Variants in SPG11 observed in about 807,000 individuals in gnomAD.
The protein encoded by SPG11 is spatacsin.
In SPG11, 222 loss-of-function variants were observed where a neutral mutation model predicts 274.0. That is an observed-to-expected ratio of 0.81 (90% CI 0.73 to 0.91). The LOEUF is 0.91. Among genes scored for constraint, SPG11 ranks in the 40% least tolerant of loss-of-function variants. SPG11 has a pLI of 0.00. For missense variants in SPG11, 3,114 were observed against 2,872.7 expected (o/e 1.08, Z -1.92); for synonymous variants, 1,144 against 1,039.7 (o/e 1.10, Z -1.93).
At chr15:44,617,997 A>G (rs1218376199) in intron 15 of SPG11, among the ~76,000 whole-genome samples, 1 of 152,008 alleles carries the variant, frequency 6.6e-6, no homozygotes, top group Non-Finnish European at 1.5e-5. Context: ...TTCTATATAA[A>G]TATTTATGAT....
At chr15:44,576,141 T>TAAAAAA (rs2082533409) in intron 30 of SPG11, among the ~76,000 whole-genome samples, 1 of 10,382 alleles carries the variant, frequency 9.6e-5, no homozygotes, top group African/African-American at 4.8e-4. Flanking sequence ...AAACTCCATC[T>TAAAAAA]CAAAAAAAAA....
chr15:44,582,142 G>C (rs1182628752), intron 30 of SPG11, among the ~76,000 whole-genome samples: 3 of 151,762 alleles, frequency 2.0e-5, no homozygotes, highest in Non-Finnish European at 4.4e-5. Context: ...ATTCTACTAA[G>C]CATTTAAGGA....
In SPG11 at chr15:44,567,546, C is replaced by A. The variant is rs144165094; in HGVS notation, c.6632G>T (p.Arg2211Leu). Reference sequence around the variant, plus strand: ...ATTGTGCTTTTCACTGTCTCCAGGACGGCAGCGTTTGATGTAGTCCAGCAG... The same window carrying A: ...ATTGTGCTTTTCACTGTCTCCAGGAAGGCAGCGTTTGATGTAGTCCAGCAG... Reference protein sequence around the residue: ...TALLDYIKRCRPGDSEKHNMI... With the variant: ...TALLDYIKRCLPGDSEKHNMI... Residue 2211 changes from arginine (R) to leucine (L), a missense_variant, in exon 36 of 40, where the codon CGT becomes CTT. Arg to Leu is a moderately radical substitution (Grantham distance 102, BLOSUM62 -2). Coordinates refer to ENST00000261866, the MANE Select transcript of SPG11 (RefSeq NM_025137.4). The A allele has an allele frequency of 6.2e-7, 1 of 1,613,804 alleles. No homozygotes were observed. The highest frequency in any genetic ancestry group is 1.3e-5 in the African/African-American group (1 of 74,822).
intron 13 of SPG11, 81 bp from the exon 14 acceptor site, chr15:44,622,015 C>T: frequency 1.6e-6 from 2 of 1,247,870 alleles, no homozygotes; most frequent in South Asian, 1.4e-5. Flanking sequence ...CAAGAACATC[C>T]ACTCTTTTGG....
chr15:44,631,288 CTA>C (rs2084053128), intron 8 of SPG11, among the ~76,000 whole-genome samples: 1 of 152,064 alleles, frequency 6.6e-6, no homozygotes, highest in African/African-American at 2.4e-5. Flanking sequence ...CAATGAAATT[CTA>C]TGTCATCATA....
chr15:44,571,839 T>G (rs951918949), intron 33 of SPG11, among the ~76,000 whole-genome samples: 4 of 152,174 alleles, frequency 2.6e-5, no homozygotes, highest in African/African-American at 9.7e-5. Context: ...TTGCCCAGAC[T>G]AGAGTTCAGT....
chr15:44,633,805 G>A (rs913963071), intron 7 of SPG11, among the ~76,000 whole-genome samples, 168 bp from the exon 8 acceptor site: 11 of 151,898 alleles, frequency 7.2e-5, no homozygotes, highest in Non-Finnish European at 1.5e-5. Flanking sequence ...GACTGATTAT[G>A]CAATCTGGGG....
At chr15:44,567,382 C>T in intron 36 of SPG11, 42 bp downstream of exon 36, 4 of 1,566,262 alleles carry the variant, frequency 2.6e-6, no homozygotes, top group Non-Finnish European at 3.5e-6. Context: ...TTTTACCTAG[C>T]TAGCAGCACT....
At chr15:44,575,917 C>T (rs536668862) in intron 30 of SPG11, among the ~76,000 whole-genome samples, 21 of 151,782 alleles carry the variant, frequency 1.4e-4, no homozygotes, top group African/African-American at 3.6e-4. Context: ...CTGAGGCGGG[C>T]GGATCACTTG....
In SPG11 at chr15:44,662,897, G is replaced by A. The variant is rs1042691956; in HGVS notation, c.257+494C>T. The stretch of plus-strand genomic sequence containing the variant: ...CACAATATTTGCTGAATAAATGAAG[G>A]GACAAACTGGACTCTGTCCTTGAAG... On this transcript the variant is annotated intron_variant, in intron 1 of 39. Transcript: ENST00000261866. 3.9e-5 allele frequency among the ~76,000 whole-genome samples: 6 copies of A among 152,096 alleles called. No homozygotes were observed. The South Asian group carries it at 1.0e-3, about 26-fold the overall frequency.
rs145315482 is a variant in SPG11 at position 44,583,682 on chromosome 15, C to T, written c.5866+132G>A. 5.3e-4 allele frequency: 590 copies of T among 1,118,596 alleles called. 3 individuals carry two copies. The African/African-American group carries it at 8.1e-3, about 15-fold the overall frequency. The allele number at this position is 1,118,596 out of a possible 1,614,324, so 69.3% of individuals were successfully genotyped here. On this transcript the variant is annotated intron_variant, in intron 30 of 39. Transcript: ENST00000261866. ...ATTGCCTAGTTAATTGGCTAGTCTA[C>T]AGATTACCTGGAAAAAAGTTGTTGT...
In SPG11 at chr15:44,608,428, C is replaced by G. The variant is rs1396896159; in HGVS notation, c.3453+16G>C. ...AACTCTGATAGACCTAAATATTGGC[C>G]ACCTAAATACTGTACCTGAATAAGG... On this transcript the variant is annotated intron_variant, in intron 19 of 39. Transcript: ENST00000261866. The G allele has an allele frequency of 1.9e-6, 3 of 1,613,456 alleles. No individual in the cohort carries two copies. The highest frequency in any genetic ancestry group is 2.5e-6 in the Non-Finnish European group (3 of 1,179,518).
chr15:44,563,405 C>G (rs989585489), intron 39 of SPG11, 104 bp from the exon 40 acceptor site: 3 of 1,010,502 alleles, frequency 3.0e-6, no homozygotes, highest in Non-Finnish European at 4.5e-6. Context: ...GAGGAGCAGT[C>G]TTGGCTCACT....
At chr15:44,646,036 T>C (rs1164063160) in intron 7 of SPG11, among the ~76,000 whole-genome samples, 2 of 152,200 alleles carry the variant, frequency 1.3e-5, no homozygotes, top group Non-Finnish European at 1.5e-5. Context: ...CTGGTGGGAA[T>C]GTAAATTAGC....
intron 4 of SPG11, among the ~76,000 whole-genome samples, chr15:44,656,565 G>C (rs1595934459): frequency 6.6e-6 from 1 of 152,188 alleles, no homozygotes; most frequent in Admixed American, 6.5e-5. Context: ...AAGCAAGCTG[G>C]AAAGTTTGGG....
chr15:44,619,474 C>A (rs1312697176), intron 15 of SPG11, among the ~76,000 whole-genome samples: 2 of 152,160 alleles, frequency 1.3e-5, no homozygotes, highest in Non-Finnish European at 2.9e-5. Flanking sequence ...TCAAGAGCTA[C>A]TTCCCCTCAT....
At chr15:44,638,989 G>A (rs984128453) in intron 7 of SPG11, among the ~76,000 whole-genome samples, 1 of 149,154 alleles carries the variant, frequency 6.7e-6, no homozygotes, top group Non-Finnish European at 1.5e-5. Context: ...GAGTGAGACT[G>A]TCTCCAAAAA....
intron 20 of SPG11, 66 bp from the exon 21 acceptor site, chr15:44,600,698 T>A: frequency 6.6e-7 from 1 of 1,518,962 alleles, no homozygotes; most frequent in Non-Finnish European, 9.1e-7. Flanking sequence ...GATTTGCACA[T>A]GGAACTCTCT....
chr15:44,596,447 C>T, intron 24 of SPG11, 92 bp from the exon 25 acceptor site: 1 of 1,400,310 alleles, frequency 7.1e-7, no homozygotes, highest in Non-Finnish European at 9.9e-7. Flanking sequence ...CAAAATTATG[C>T]TTTCTCACCC....
Sources: allele counts gnomAD v4.1 joint callset (sites outside exome capture counted in the v4.1 genomes callset), GRCh38; gene constraint gnomAD v4.1.1; transcripts MANE v1.5; gene names NCBI Gene and HGNC (gene_info 2026-07-23, HGNC 2026-07-21).